MDN1: variants seen among roughly 807,000 people sequenced by gnomAD.
The protein encoded by MDN1 is midasin.
Under a neutral mutation model 669.2 loss-of-function variants are expected in MDN1, and 266 were observed. The ratio of observed to expected loss-of-function variants is 0.40; its 90% confidence interval spans 0.36 to 0.44. MDN1 has a LOEUF of 0.44. MDN1 is among the 20% of genes least tolerant of loss of function. The pLI, the probability that MDN1 is intolerant of heterozygous loss-of-function variation, is 1.00. For missense variants in MDN1, 5,940 were observed against 6,754.0 expected (o/e 0.88, Z 4.22); for synonymous variants, 2,385 against 2,457.1 (o/e 0.97, Z 0.87).
intron 22 of MDN1, among the ~76,000 whole-genome samples, chr6:89,752,506 T>A (rs1817007889): frequency 6.6e-6 from 1 of 152,220 alleles, no homozygotes; most frequent in South Asian, 2.1e-4. Context: ...AATCAACAAG[T>A]AAACAAGCCA....
chr6:89,646,698 A>G, intron 99 of MDN1, 95 bp from the exon 100 acceptor site: 2 of 1,083,080 alleles, frequency 1.8e-6, no homozygotes, highest in Non-Finnish European at 2.8e-6. Flanking sequence ...TGAAGTGATT[A>G]TCAGATAACC....
At chr6:89,660,047 C>T (rs1011811056) in intron 88 of MDN1, among the ~76,000 whole-genome samples, 3 of 152,100 alleles carry the variant, frequency 2.0e-5, no homozygotes, top group African/African-American at 4.8e-5. Flanking sequence ...GCCACCACAC[C>T]CAGCTAATTT....
Position 89,698,993 on chromosome 6 carries a change from T to C in MDN1, c.9040A>G (p.Asn3014Asp). The C allele has an allele frequency of 6.2e-7, 1 of 1,613,934 alleles. No individual in the cohort carries two copies. The highest frequency in any genetic ancestry group is 8.5e-7 in the Non-Finnish European group (1 of 1,179,894). Residue 3014 changes from asparagine to aspartate, a missense_variant, in exon 59 of 102, where the codon AAT becomes GAT. Around this residue, in one of 5 missense-constraint regions of MDN1, gnomAD observed 2,292 missense variants for 2,638.3 expected, o/e 0.87. Coordinates refer to ENST00000369393, the MANE Select transcript of MDN1 (RefSeq NM_014611.3). ...CTCCAGAAAGACATAAACATGGAATTAAATAACTCGGACCACAAAGATGTA... is the reference window on the plus strand; with the variant it reads ...CTCCAGAAAGACATAAACATGGAATCAAATAACTCGGACCACAAAGATGTA... The part of the protein sequence containing the change: ...EITSLWSELF[N>D]SMFMSFWSST...
intron 9 of MDN1, among the ~76,000 whole-genome samples, chr6:89,782,423 C>T (rs1053831628): frequency 2.0e-5 from 3 of 151,854 alleles, no homozygotes; most frequent in African/African-American, 7.3e-5. Context: ...CGGTGAAAAC[C>T]TGTCTCTACA....
At chr6:89,746,938 C>T (rs1816670753) in intron 27 of MDN1, among the ~76,000 whole-genome samples, 1 of 152,128 alleles carries the variant, frequency 6.6e-6, no homozygotes, top group East Asian at 1.9e-4. Context: ...ATTTTTTTCT[C>T]TCAGAATGCT....
chr6:89,648,234 A>C (rs759917054), intron 98 of MDN1, 22 bp downstream of exon 98: 2 of 1,612,956 alleles, frequency 1.2e-6, no homozygotes, highest in South Asian at 2.2e-5. Context: ...GTTTTCATAA[A>C]GGAATTACAA....
In MDN1 at chr6:89,794,612, G is replaced by GAC. The variant is rs1306974306; in HGVS notation, c.517_518dup (p.Pro174SerfsTer25). ...AGGTGTCATGGCTTCTGAGGAGAGG[G>GAC]ACACACACACTCCAGTCCCAGAGCT... On this transcript the variant is annotated frameshift_variant, in exon 3 of 102. Transcript: ENST00000369393. LOFTEE classifies it high-confidence loss of function. The GAC allele has an allele frequency of 6.2e-7, 1 of 1,613,370 alleles. No homozygotes were observed. The highest frequency in any genetic ancestry group is 1.3e-5 in the African/African-American group (1 of 74,880).
intron 1 of MDN1, among the ~76,000 whole-genome samples, chr6:89,816,555 T>C (rs1184969007): frequency 1.3e-5 from 2 of 152,010 alleles, no homozygotes; most frequent in African/African-American, 4.8e-5. Flanking sequence ...CAAGATCCTA[T>C]CTCTTTAAAA....
intron 22 of MDN1, 65 bp from the exon 23 acceptor site, chr6:89,751,647 G>A: frequency 1.3e-6 from 2 of 1,527,654 alleles, no homozygotes; most frequent in Non-Finnish European, 1.8e-6. Flanking sequence ...AGGGCATAAA[G>A]TAGGAAAACA....
Position 89,744,257 on chromosome 6 carries a change from C to T in MDN1, c.4179-543G>A, listed in dbSNP as rs150608274. Among the ~76,000 whole-genome samples, 292 of 151,976 alleles carry T rather than the reference C, an allele frequency of 1.9e-3. 1 individual carries two copies. Among genetic ancestry groups the T allele is most frequent in the African/African-American group, 6.8e-3 (280 of 41,462 alleles). ...TCACTGTTTAAAAGAACTAAATAGA[C>T]AAAAACTGCCCTCAATGCAATGAAG... On this transcript the variant is annotated intron_variant, in intron 29 of 101. Coordinates refer to ENST00000369393, the MANE Select transcript of MDN1 (RefSeq NM_014611.3).
At chr6:89,806,651 G>A (rs2128330188) in intron 1 of MDN1, among the ~76,000 whole-genome samples, 1 of 152,274 alleles carries the variant, frequency 6.6e-6, no homozygotes, top group East Asian at 1.9e-4. Context: ...CCAGGAGGCG[G>A]AGGTTGCAGT....
At chr6:89,644,631 G>A (rs989378475) in intron 101 of MDN1, among the ~76,000 whole-genome samples, 2 of 152,182 alleles carry the variant, frequency 1.3e-5, no homozygotes, top group African/African-American at 4.8e-5. Flanking sequence ...CATAAGTTAA[G>A]TGTGGCAACA....
chr6:89,716,907 T>C (rs1313994438), intron 43 of MDN1, 98 bp from the exon 44 acceptor site: 2 of 1,291,840 alleles, frequency 1.5e-6, no homozygotes, highest in African/African-American at 3.0e-5. Context: ...AGCCAAGGTT[T>C]TTAAGATTTC....
At chr6:89,801,511 T>C (rs1198583190) in intron 2 of MDN1, among the ~76,000 whole-genome samples, 1 of 152,006 alleles carries the variant, frequency 6.6e-6, no homozygotes, top group Non-Finnish European at 1.5e-5. Context: ...ATTAGCCAGG[T>C]GTGGTGGCAC....
chr6:89,660,217 GT>G lies in MDN1; in HGVS notation c.14713+1213del, dbSNP rs796412844. The stretch of plus-strand genomic sequence containing the variant: ...TTTAATTTTTTAGAGACAGAGTCTC[GT>G]TCTGTCACCCAAGCTGGAGTGCAGT... On this transcript the variant is annotated intron_variant, in intron 88 of 101. Transcript: ENST00000369393. Among the ~76,000 whole-genome samples the G allele has an allele frequency of 1.8e-4, 27 of 152,148 alleles. No homozygotes were observed. In the East Asian group the frequency reaches 2.1e-3, roughly 12 times the overall value.
At chr6:89,776,572 C>T (rs1269235441) in intron 12 of MDN1, 28 bp downstream of exon 12, 17 of 1,551,284 alleles carry the variant, frequency 1.1e-5, no homozygotes, top group Non-Finnish European at 1.5e-5. Flanking sequence ...CTCCTTTCAA[C>T]AGGGAAGTAA....
At chr6:89,789,691 TA>T in intron 7 of MDN1, 88 bp downstream of exon 7, 1 of 1,441,106 alleles carries the variant, frequency 6.9e-7, no homozygotes, top group Non-Finnish European at 9.3e-7. Context: ...CATTTTTGTT[TA>T]AATCATCACC....
chr6:89,776,014 A>C (rs1818337512), intron 12 of MDN1, among the ~76,000 whole-genome samples: 1 of 152,184 alleles, frequency 6.6e-6, no homozygotes, highest in Admixed American at 6.5e-5. Flanking sequence ...TAATAAGGGA[A>C]AATAATAAAA....
intron 82 of MDN1, 39 bp downstream of exon 82, chr6:89,672,161 T>TTC: frequency 6.5e-7 from 1 of 1,533,250 alleles, no homozygotes. Flanking sequence ...GCTCAGTGCA[T>TTC]TCTGAAGAGG....
Sources: allele counts gnomAD v4.1 joint callset (sites outside exome capture counted in the v4.1 genomes callset), GRCh38; gene constraint gnomAD v4.1.1; regional missense constraint gnomAD v4.1.1; transcripts MANE v1.5; gene names NCBI Gene and HGNC (gene_info 2026-07-23, HGNC 2026-07-21).